Variants in PLEC observed in about 807,000 individuals in gnomAD.
PLEC encodes plectin.
Under a neutral mutation model 392.8 loss-of-function variants are expected in PLEC, and 216 were observed. The observed-to-expected ratio is 0.55, with a 90% CI of 0.49 to 0.62. The LOEUF is 0.62. Ranked by LOEUF, PLEC falls within the 20% of genes least tolerant of loss-of-function variation. PLEC has a pLI of 0.00. For synonymous variants in PLEC, 3,621 were observed against 2,980.6 expected, an observed-to-expected ratio of 1.21 and a Z score of -7.00; for missense variants, 6,863 against 6,563.4, an observed-to-expected ratio of 1.05 and a Z score of -1.58.
upstream of PLEC, among the ~76,000 whole-genome samples, chr8:143,941,486 C>G (rs868954477): frequency 1.4e-4 from 21 of 152,038 alleles, no homozygotes; most frequent in Middle Eastern, 3.4e-3. Flanking sequence ...GACACGGACT[C>G]GGGCAAGGCT....
Position 143,932,895 on chromosome 8 carries a change from A to C in PLEC, c.1635T>G (p.Gly545=). The change falls in exon 14 of 32, where the codon GGT becomes GGG. Residue 545 remains glycine (G), a synonymous_variant. Transcript: ENST00000345136. ...GCGCCTCCACGCTGGGCAGGTCCAC[A>C]CCCCACTCAGCGCCATCCACACGGT... ...NQHRVDGAEW[G]VDLPSVEAQL... is the part of the protein sequence containing the mutation. The C allele has an allele frequency of 6.2e-7, 1 of 1,612,354 alleles. No individual in the cohort carries two copies. Among genetic ancestry groups the C allele is most frequent in the Non-Finnish European group, 8.5e-7 (1 of 1,179,856 alleles).
chr8:143,929,973 C>T lies in PLEC; in HGVS notation c.2702G>A (p.Arg901His), dbSNP rs782494047. Residue 901 changes from arginine to histidine, a missense_variant, in exon 22 of 32, where the codon CGC becomes CAC. Transcript: ENST00000345136. ...KSLLAWQSLR[R>H]DVQLIRSWSL... ...CCAGGAGCGGATGAGCTGCACGTCG[C>T]GGCGAAGGCTCTGCCAGGCCAGAAG... 28 of 1,611,454 alleles carry T rather than the reference C, an allele frequency of 1.7e-5. No homozygotes were observed. Among genetic ancestry groups the T allele is most frequent in the East Asian group, 8.9e-5 (4 of 44,854 alleles).
chr8:143,959,121 G>A (rs1832745649), intron 1 of PLEC, among the ~76,000 whole-genome samples: 1 of 152,206 alleles, frequency 6.6e-6, no homozygotes, highest in African/African-American at 2.4e-5. Flanking sequence ...TGAGGGGAGG[G>A]CGTGTGAGGG....
chr8:143,952,227 C>G (rs1160051007), upstream of PLEC, among the ~76,000 whole-genome samples: 1 of 145,106 alleles, frequency 6.9e-6, no homozygotes, highest in Non-Finnish European at 1.5e-5. Flanking sequence ...CACACGCACG[C>G]GCACGCGCAC....
upstream of PLEC, chr8:143,958,721 G>A (rs536658546): frequency 5.2e-4 from 231 of 443,476 alleles, 2 homozygotes; most frequent in South Asian, 3.0e-3. This position sits in a 1 kb window ranked among gnomAD's most constrained non-coding sequence, Gnocchi z 4.9. Flanking sequence ...GGTGGACCTC[G>A]CCAGGCCTCT....
Position 143,920,715 on chromosome 8 carries a change from G to C in PLEC, c.9106C>G (p.Gln3036Glu), listed in dbSNP as rs1554682713. 2 of 1,602,968 alleles carry C rather than the reference G, an allele frequency of 1.2e-6. No individual in the cohort carries two copies. The highest frequency in any genetic ancestry group is 2.2e-5 in the South Asian group (2 of 91,084). The part of the protein sequence containing the change: ...IAGVWLEEAG[Q>E]KLSIYNALKK... ...AGGGCATTGTAGATACTCAGCTTCT[G>C]CCCCGCCTCCTCCAGCCATACACCC... The change falls in exon 32 of 32, where the codon CAG becomes GAG. Residue 3036 changes from glutamine to glutamate, a missense_variant. Transcript: ENST00000345136.
At chr8:143,930,670 GTA>G in intron 19 of PLEC, 134 bp from the exon 20 acceptor site, 1 of 933,752 alleles carries the variant, frequency 1.1e-6, no homozygotes, top group Non-Finnish European at 1.6e-6. Flanking sequence ...GAAGCAGGAG[GTA>G]TAGCTGGGAC....
rs1350816959 is a variant in PLEC at position 143,923,281 on chromosome 8, G to T, written c.6648C>A (p.Ala2216=). The change falls in exon 31 of 32, where the codon GCC becomes GCA. Residue 2216 remains alanine, a synonymous_variant. Transcript: ENST00000345136. The stretch of plus-strand genomic sequence containing the variant: ...GGCTGCGCTGGCGTGCGGCCTCCGT[G>T]GCCTCCGCCTTCAGCCGCTGCAGCT... ...DEELQRLKAE[A]TEAARQRSQV... is the part of the protein sequence containing the mutation. 6.2e-7 allele frequency: 1 copy of T among 1,607,550 alleles called. No individual in the cohort carries two copies. Among genetic ancestry groups the T allele is most frequent in the African/African-American group, 1.3e-5 (1 of 74,874 alleles).
upstream of PLEC, chr8:143,975,332 T>G (rs370431965): frequency 2.4e-5 from 38 of 1,611,190 alleles, no homozygotes; most frequent in African/African-American, 4.8e-4. The surrounding 1 kb of genome is among the most constrained non-coding windows in gnomAD (Gnocchi z 9.9). Flanking sequence ...GGAGACATCT[T>G]CAGAGACTGC....
In PLEC at chr8:143,924,804, G is replaced by A. The variant is rs782806689; in HGVS notation, c.5125C>T (p.Leu1709=). ...CGGATCAACTCCTGCTCCGCGGCCA[G>A]GCGCTGCTGCGCGGTGCCTTCCGCC... ...QLAEGTAQQR[L]AAEQELIRLR... Residue 1709 remains leucine, a synonymous_variant, in exon 31 of 32, where the codon CTG becomes TTG. Coordinates refer to ENST00000345136, the MANE Select transcript of PLEC (RefSeq NM_201384.3). 5.2e-6 allele frequency: 8 copies of A among 1,538,872 alleles called. No individual in the cohort carries two copies. The highest frequency in any genetic ancestry group is 1.4e-5 in the African/African-American group (1 of 73,080).
Position 143,926,855 on chromosome 8 carries a change from C to G in PLEC, c.3973G>C (p.Glu1325Gln), listed in dbSNP as rs782178037. 1 of 1,613,560 alleles carries G rather than the reference C, an allele frequency of 6.2e-7. No homozygotes were observed. The highest frequency in any genetic ancestry group is 1.7e-5 in the Admixed American group (1 of 60,030). ...TACTGGCTCGTCAGTGTGGTCAGCT[C>G]GCTGTAGTGCGTACGCAGGTCCACG... ...EYVDLRTHYS[E>Q]LTTLTSQYIK... Residue 1325 changes from glutamate to glutamine, a missense_variant, in exon 30 of 32, where the codon GAG (glutamate) becomes CAG (glutamine). Glu to Gln is a conservative substitution (Grantham distance 29, BLOSUM62 2). Coordinates refer to ENST00000345136, the MANE Select transcript of PLEC (RefSeq NM_201384.3).
rs375657597 is a variant in PLEC at position 143,927,899 on chromosome 8, C to T, written c.3354G>A (p.Val1118=). ...HEEQLKEAQA[V]PATLPELEAT... The stretch of plus-strand genomic sequence containing the variant: ...CCTCGAGCTCCGGGAGGGTGGCCGG[C>T]ACGGCCTGGGCCTCCTTGAGCTGCT... Residue 1118 remains valine (V), a synonymous_variant, in exon 26 of 32, where the codon GTG becomes GTA. Coordinates refer to ENST00000345136, the MANE Select transcript of PLEC (RefSeq NM_201384.3). 6.8e-5 allele frequency: 109 copies of T among 1,595,354 alleles called. No individual in the cohort carries two copies. The African/African-American group carries it at 1.4e-3, about 21-fold the overall frequency.
At chr8:143,966,020 C>T (rs1295158633) in intron 1 of PLEC, among the ~76,000 whole-genome samples, 1 of 152,122 alleles carries the variant, frequency 6.6e-6, no homozygotes, top group Admixed American at 6.6e-5. Flanking sequence ...CCCACCATAG[C>T]CTGGCACCAG....
At chr8:143,950,354 G>A in exon 1 of PLEC, 1 of 1,585,886 alleles carries the variant, frequency 6.3e-7, no homozygotes, top group South Asian at 1.1e-5. Context: ...ACCCTGCACA[G>A]CCTGCACGTG....
chr8:143,933,626 C>T (rs868972544), intron 12 of PLEC, among the ~76,000 whole-genome samples: 1 of 152,180 alleles, frequency 6.6e-6, no homozygotes, highest in Non-Finnish European at 1.5e-5. Flanking sequence ...CATCACCCAC[C>T]CTGGGTAACT....
chr8:143,940,531 T>G (rs2132380995), upstream of PLEC, among the ~76,000 whole-genome samples: 1 of 152,300 alleles, frequency 6.6e-6, no homozygotes, highest in East Asian at 1.9e-4. Flanking sequence ...GGGCCTGCGC[T>G]GGCTGGGGCC....
Position 143,916,353 on chromosome 8 carries a change from G to T in PLEC, c.13468C>A (p.Arg4490Ser), listed in dbSNP as rs782717056. 160 of 1,605,860 alleles carry T rather than the reference G, an allele frequency of 1.0e-4. No individual in the cohort carries two copies. The highest frequency in any genetic ancestry group is 1.2e-4 in the Non-Finnish European group (146 of 1,176,648). The change falls in exon 32 of 32, where the codon CGC (arginine) becomes AGC (serine). Residue 4490 changes from arginine to serine, a missense_variant. By Grantham distance (110) the Arg-to-Ser change is moderately radical (BLOSUM62 -1). Coordinates refer to ENST00000345136, the MANE Select transcript of PLEC (RefSeq NM_201384.3). ...CGGGAGCCGGTGCGCGAGCCGGTGC[G>T]GGAGCCAGCGGTAGAGCCGGAGCCG... is the stretch of plus-strand genomic sequence containing the variant. Reference protein sequence around the residue: ...VSGSGSTAGSRTGSRTGSRAG... With the variant: ...VSGSGSTAGSSTGSRTGSRAG...
chr8:143,922,419 A>G, intron 31 of PLEC, 24 bp from the exon 32 acceptor site: 1 of 1,600,506 alleles, frequency 6.2e-7, no homozygotes, highest in Non-Finnish European at 8.5e-7. Flanking sequence ...GGGTGTGATC[A>G]GGGACCGCCA....
At chr8:143,929,351 G>A (rs750489363) in intron 24 of PLEC, 63 bp downstream of exon 24, 19 of 1,575,764 alleles carry the variant, frequency 1.2e-5, no homozygotes, top group African/African-American at 5.4e-5. Flanking sequence ...AAGGCCAAAG[G>A]AGGGAGGGTG....
Sources: allele counts gnomAD v4.1 joint callset (sites outside exome capture counted in the v4.1 genomes callset), GRCh38; gene constraint gnomAD v4.1.1; non-coding constraint Gnocchi (gnomAD v3.1); transcripts MANE v1.5; gene names NCBI Gene and HGNC (gene_info 2026-07-23, HGNC 2026-07-21).